SHOC2: variants seen among roughly 807,000 people sequenced by gnomAD.
The protein encoded by SHOC2 is leucine-rich repeat protein SHOC-2.
In SHOC2, 4 loss-of-function variants were observed where a neutral mutation model predicts 50.2. That is an observed-to-expected ratio of 0.08 (90% CI 0.04 to 0.18). The LOEUF (loss-of-function observed/expected upper bound fraction) is 0.18, where lower values mean the gene tolerates loss of function less well. Ranked by LOEUF, SHOC2 falls within the 10% of genes least tolerant of loss-of-function variation. SHOC2 has a pLI of 1.00. For synonymous variants in SHOC2, 218 were observed against 244.5 expected (o/e 0.89, Z 1.01); for missense variants, 388 against 669.6 (o/e 0.58, Z 4.64).
intron 2 of SHOC2, among the ~76,000 whole-genome samples, chr10:110,979,284 T>C (rs1177251858): frequency 6.6e-6 from 1 of 152,210 alleles, no homozygotes; most frequent in East Asian, 1.9e-4. Flanking sequence ...GCTTGCCTTA[T>C]CAAAGCGTGT....
rs753327392 is a variant in SHOC2, at chr10:111,011,834, C to A, written c.*16C>A. The A allele has an allele frequency of 6.2e-5, 98 of 1,587,040 alleles. No individual in the cohort carries two copies. The highest frequency in any genetic ancestry group is 3.4e-4 in the Middle Eastern group (2 of 5,968). The stretch of plus-strand genomic sequence containing the variant: ...CATGGTCTGATATAAATCTGCTGGT[C>A]CCACACACTGTTCAAAAATAGACTG... On this transcript the variant is annotated 3_prime_UTR_variant, in exon 9 of 9. Transcript: ENST00000369452.
Position 110,964,141 on chromosome 10 carries a change from T to C in SHOC2, c.-218T>C. ...ATATTTCAGGAACTCTAATGAATCA[T>C]TGATTGACCAGCACTATTTTACCAG... On this transcript the variant is annotated 5_prime_UTR_variant, in exon 2 of 9. Transcript: ENST00000369452. The surrounding 1 kb of genome is among the most constrained non-coding windows in gnomAD (Gnocchi z 4.9). The C allele has an allele frequency of 1.6e-6, 1 of 606,256 alleles. No individual in the cohort carries two copies. Among genetic ancestry groups the C allele is most frequent in the Non-Finnish European group, 2.8e-6 (1 of 354,790 alleles). The allele number at this position is 606,256 out of a possible 1,614,324, so 37.6% of individuals were successfully genotyped here.
chr10:110,919,638 C>T lies in SHOC2; in HGVS notation c.-254C>T, dbSNP rs886046728. On this transcript the variant is annotated 5_prime_UTR_variant, in exon 1 of 9. Coordinates refer to ENST00000369452, the MANE Select transcript of SHOC2 (RefSeq NM_007373.4). ...GAAGGAGGGCGAGCGAGGAGGATGG[C>T]GGAGTCGGGGCTCCTGACGGTAACT... is the stretch of plus-strand genomic sequence containing the variant. 13 of 398,704 alleles carry T rather than the reference C, an allele frequency of 3.3e-5. No individual in the cohort carries two copies. The highest frequency in any genetic ancestry group is 4.9e-5 in the Non-Finnish European group (11 of 226,372). 24.7% of individuals were successfully genotyped at this position (398,704 alleles called of 1,614,324 possible). A position where few individuals can be genotyped will look rare whatever the true frequency, so the allele number is the denominator to read the frequency against.
In SHOC2 at chr10:110,968,139, T is replaced by A. The variant is rs1847713121; in HGVS notation, c.703+3078T>A. Among the ~76,000 whole-genome samples, 3 of 152,192 alleles carry A rather than the reference T, an allele frequency of 2.0e-5. No homozygotes were observed. In the South Asian group the frequency reaches 6.2e-4, roughly 31 times the overall value. ...TCCTCAGTAACCTTGTTATTATCCG[T>A]CTTTTCTTATTATAACCATTCTATC... On this transcript the variant is annotated intron_variant, in intron 2 of 8. Coordinates refer to ENST00000369452, the MANE Select transcript of SHOC2 (RefSeq NM_007373.4).
chr10:111,011,804 C>T lies in SHOC2; in HGVS notation c.1735C>T (p.Arg579Cys), dbSNP rs1247102305. The stretch of plus-strand genomic sequence containing the variant: ...GTTCTTAAAGATGCAGGGTCCATAT[C>T]GTGCCATGGTCTGATATAAATCTGC... ...IQFLKMQGPYRAMV is the reference protein window; with the variant it reads ...IQFLKMQGPYCAMV The change falls in exon 9 of 9, where the codon CGT becomes TGT. Residue 579 changes from arginine (R) to cysteine (C), a missense_variant. This residue lies in a region of SHOC2 where 130 missense variants were observed against 208.6 expected (regional missense o/e 0.62). Coordinates refer to ENST00000369452, the MANE Select transcript of SHOC2 (RefSeq NM_007373.4). 1.2e-6 allele frequency: 2 copies of T among 1,613,438 alleles called. No homozygotes were observed. Among genetic ancestry groups the T allele is most frequent in the Non-Finnish European group, 1.7e-6 (2 of 1,179,586 alleles).
At chr10:110,955,566 T>C (rs1847444591) in intron 1 of SHOC2, among the ~76,000 whole-genome samples, 1 of 152,122 alleles carries the variant, frequency 6.6e-6, no homozygotes, top group African/African-American at 2.4e-5. Context: ...TTGTGTAGAC[T>C]CATTAACTGC....
intron 2 of SHOC2, among the ~76,000 whole-genome samples, chr10:110,975,028 A>G (rs1409028228): frequency 1.3e-5 from 2 of 152,182 alleles, no homozygotes; most frequent in Non-Finnish European, 2.9e-5. Flanking sequence ...AACATCCTAT[A>G]TAACCATTGT....
chr10:111,011,593 ATT>A lies in SHOC2; in HGVS notation c.1541-8_1541-7del. On this transcript the variant is annotated splice_polypyrimidine_tract_variant and intron_variant, in intron 8 of 8. Transcript: ENST00000369452. ...GCAACTAATTTTTAAAAAAAAATTG[ATT>A]TTTTTTTTAAACAGGTACACTGGAG... 1.9e-6 allele frequency: 3 copies of A among 1,539,100 alleles called. No individual in the cohort carries two copies. Among genetic ancestry groups the A allele is most frequent in the Non-Finnish European group, 1.8e-6 (2 of 1,117,604 alleles).
At chr10:110,972,740 G>A (rs1257052181) in intron 2 of SHOC2, among the ~76,000 whole-genome samples, 1 of 152,146 alleles carries the variant, frequency 6.6e-6, no homozygotes, top group African/African-American at 2.4e-5. Flanking sequence ...ATGAGGTTGA[G>A]GTGGGAGAGT....
chr10:110,953,267 C>T (rs1182657080), intron 1 of SHOC2, among the ~76,000 whole-genome samples: 1 of 152,110 alleles, frequency 6.6e-6, no homozygotes, highest in Non-Finnish European at 1.5e-5. Flanking sequence ...TTCTGACTGG[C>T]GTGAGATGGT....
chr10:110,945,069 C>T (rs548212588), intron 1 of SHOC2, among the ~76,000 whole-genome samples: 5 of 152,328 alleles, frequency 3.3e-5, no homozygotes, highest in East Asian at 1.9e-4. Flanking sequence ...AAGTCTGTTA[C>T]GGGTATTTCA....
chr10:110,992,359 T>A (rs1272643042), intron 3 of SHOC2, among the ~76,000 whole-genome samples: 3 of 152,220 alleles, frequency 2.0e-5, no homozygotes, highest in Admixed American at 2.0e-4. Flanking sequence ...TTATTTTATA[T>A]GAATATTTTC....
intron 2 of SHOC2, among the ~76,000 whole-genome samples, chr10:110,983,842 T>C (rs1185813229): frequency 6.6e-6 from 1 of 152,236 alleles, no homozygotes; most frequent in Non-Finnish European, 1.5e-5. Flanking sequence ...TTAGCACCTA[T>C]CAGAAATGTA....
chr10:110,984,832 A>G (rs955799995), intron 2 of SHOC2, among the ~76,000 whole-genome samples: 8 of 152,206 alleles, frequency 5.3e-5, no homozygotes, highest in Admixed American at 1.3e-4. Flanking sequence ...ATGCATTTAT[A>G]TAACATCAGA....
chr10:110,939,370 A>G (rs979859177), intron 1 of SHOC2, among the ~76,000 whole-genome samples: 2 of 152,058 alleles, frequency 1.3e-5, no homozygotes, highest in African/African-American at 2.4e-5. Context: ...AGCACGTGCC[A>G]CCATGCCTGG....
At chr10:110,940,779 A>G (rs2134090153) in intron 1 of SHOC2, among the ~76,000 whole-genome samples, 1 of 152,158 alleles carries the variant, frequency 6.6e-6, no homozygotes, top group Non-Finnish European at 1.5e-5. Flanking sequence ...CAACCTGGCC[A>G]CTTGGATAAT....
At chr10:111,005,645 G>A (rs570576498) in intron 5 of SHOC2, among the ~76,000 whole-genome samples, 69 of 152,228 alleles carry the variant, frequency 4.5e-4, no homozygotes, top group Middle Eastern at 3.4e-3. Context: ...ATGGGTGAAC[G>A]TTAGTTTCCT....
chr10:110,966,894 A>G (rs1847685756), intron 2 of SHOC2, among the ~76,000 whole-genome samples: 1 of 152,148 alleles, frequency 6.6e-6, no homozygotes, highest in African/African-American at 2.4e-5. Flanking sequence ...TTTCATTCTA[A>G]GCAGGGCATC....
intron 3 of SHOC2, among the ~76,000 whole-genome samples, chr10:110,990,925 A>G (rs1351001172): frequency 1.3e-5 from 2 of 152,140 alleles, no homozygotes; most frequent in East Asian, 1.9e-4. Context: ...CATGCTAGAC[A>G]TTTTATTGTT....
Sources: allele counts gnomAD v4.1 joint callset (sites outside exome capture counted in the v4.1 genomes callset), GRCh38; gene constraint gnomAD v4.1.1; regional missense constraint gnomAD v4.1.1; non-coding constraint Gnocchi (gnomAD v3.1); transcripts MANE v1.5; gene names NCBI Gene and HGNC (gene_info 2026-07-23, HGNC 2026-07-21).